Variants in DGKH observed in about 807,000 individuals in gnomAD.
DGKH encodes the protein diacylglycerol kinase eta.
In DGKH, 90 loss-of-function variants were observed where a neutral mutation model predicts 159.3. The ratio of observed to expected loss-of-function variants is 0.57; its 90% confidence interval spans 0.48 to 0.67. The LOEUF (loss-of-function observed/expected upper bound fraction) is 0.67, where lower values mean the gene tolerates loss of function less well. Ranked by LOEUF, DGKH falls within the 30% of genes least tolerant of loss-of-function variation. The pLI, the probability that DGKH is intolerant of heterozygous loss-of-function variation, is 0.00. For synonymous variants in DGKH, 536 were observed against 553.8 expected, an observed-to-expected ratio of 0.97 and a Z score of 0.45; for missense variants, 1,181 against 1,506.1, an observed-to-expected ratio of 0.78 and a Z score of 3.57.
At chr13:42,081,976 C>T (rs1408159439) in intron 1 of DGKH, among the ~76,000 whole-genome samples, 3 of 152,132 alleles carry the variant, frequency 2.0e-5, no homozygotes, top group African/African-American at 7.2e-5. Flanking sequence ...ACATAGGAAC[C>T]TTTGATTCCA....
intron 1 of DGKH, among the ~76,000 whole-genome samples, chr13:42,124,287 C>T (rs1228036912): frequency 7.5e-6 from 1 of 133,878 alleles, no homozygotes; most frequent in African/African-American, 3.0e-5. Flanking sequence ...TACTATAACA[C>T]TCTCAGCCTC....
At position 42,070,761 on chromosome 13, in the gene DGKH, C is replaced by T. The variant is rs1593983368; in HGVS notation, c.192+21796C>T. On this transcript the variant is annotated intron_variant, in intron 1 of 29. Coordinates refer to ENST00000337343, the MANE Select transcript of DGKH (RefSeq NM_178009.5). ...CCAGCACTTTAGACAAGTCTGTCTT[C>T]ATGTACTCCTGAACAATGTAAACAC... 7 of 1,581,674 alleles carry T rather than the reference C, an allele frequency of 4.4e-6. No homozygotes were observed. The East Asian group carries it at 1.6e-4, about 35-fold the overall frequency.
chr13:42,239,919 A>T lies in DGKH; in HGVS notation c.*10731A>T, dbSNP rs2138321308. The T allele has an allele frequency of 6.6e-6, 1 of 152,324 alleles. No individual in the cohort carries two copies. The highest frequency in any genetic ancestry group is 2.1e-4 in the South Asian group (1 of 4,822). 9.4% of individuals were successfully genotyped at this position (152,324 alleles called of 1,614,324 possible). ...TATGACTTAGTGCCTTGGCATAATC[A>T]CATGCCATAGATGAACATGTTCAAG... On this transcript the variant is annotated 3_prime_UTR_variant, in exon 30 of 30. Transcript: ENST00000337343.
intron 30 of DGKH, among the ~76,000 whole-genome samples, chr13:42,253,660 A>G (rs1437235153): frequency 6.6e-6 from 1 of 152,224 alleles, no homozygotes; most frequent in African/African-American, 2.4e-5. Flanking sequence ...GCTCCTGGGA[A>G]TAATAAAAAT....
chr13:42,071,512 A>T (rs1477695334), intron 1 of DGKH, among the ~76,000 whole-genome samples: 1 of 152,266 alleles, frequency 6.6e-6, no homozygotes, highest in Non-Finnish European at 1.5e-5. Flanking sequence ...CACAGTGCAG[A>T]TACATTCAGT....
rs746120069 is a variant in DGKH at position 42,048,956 on chromosome 13, C to G, written c.183C>G (p.Ile61Met). 4 of 1,302,234 alleles carry G rather than the reference C, an allele frequency of 3.1e-6. No individual in the cohort carries two copies. The highest frequency in any genetic ancestry group is 2.1e-4 in the Middle Eastern group (1 of 4,858). The allele number at this position is 1,302,234 out of a possible 1,614,324, so 80.7% of individuals were successfully genotyped here. Residue 61 changes from isoleucine (I) to methionine (M), a missense_variant, in exon 1 of 30, where the codon ATC (isoleucine) becomes ATG (methionine). Ile to Met is a conservative substitution (Grantham distance 10). Transcript: ENST00000337343. The surrounding 1 kb of genome is among the most constrained non-coding windows in gnomAD (Gnocchi z 6.7). ...GCAAAGTGTCTACCTCGGGGCAGAT[C>G]CGGACCAAGGTAGGGCGGAGGAGGC... ...LIRKVSTSGQ[I>M]RTKTSIKEGQ...
chr13:42,085,909 T>C (rs947110252), intron 1 of DGKH, among the ~76,000 whole-genome samples: 6 of 152,054 alleles, frequency 3.9e-5, no homozygotes, highest in African/African-American at 1.5e-4. Context: ...TGTATTTTTA[T>C]CTAACCTATT....
intron 29 of DGKH, among the ~76,000 whole-genome samples, chr13:42,228,589 C>T (rs1349295374): frequency 1.4e-5 from 2 of 146,980 alleles, no homozygotes; most frequent in African/African-American, 2.5e-5. Context: ...TCAGAGATCC[C>T]AAAAGAGCCT....
At chr13:42,096,477 A>G (rs1017334711) in intron 1 of DGKH, among the ~76,000 whole-genome samples, 5 of 152,124 alleles carry the variant, frequency 3.3e-5, no homozygotes, top group African/African-American at 1.2e-4. Flanking sequence ...CATTTTCTTT[A>G]TCTAATCCAC....
At chr13:42,181,014 C>T (rs764415321) in intron 13 of DGKH, among the ~76,000 whole-genome samples, 3 of 152,020 alleles carry the variant, frequency 2.0e-5, no homozygotes, top group Admixed American at 1.3e-4. Context: ...CGGTGGCTCA[C>T]GCTTGTAATC....
chr13:42,114,178 A>G (rs1410319416), intron 1 of DGKH, among the ~76,000 whole-genome samples: 1 of 152,104 alleles, frequency 6.6e-6, no homozygotes, highest in African/African-American at 2.4e-5. Context: ...AATTTGGGGG[A>G]AAAAAGTCCA....
intron 3 of DGKH, among the ~76,000 whole-genome samples, chr13:42,133,141 A>C (rs1434937915): frequency 4.0e-5 from 6 of 151,006 alleles, no homozygotes; most frequent in Non-Finnish European, 7.4e-5. Flanking sequence ...ACTGCACTCC[A>C]GCCTGGGTGA....
chr13:42,189,446 T>C (rs1957011651), intron 15 of DGKH, 137 bp downstream of exon 15: 1 of 1,186,908 alleles, frequency 8.4e-7, no homozygotes, highest in Non-Finnish European at 1.2e-6. Context: ...ATACAGTCAT[T>C]ATAAGAAAAC....
At chr13:42,063,807 C>T (rs1453854466) in intron 1 of DGKH, among the ~76,000 whole-genome samples, 3 of 151,926 alleles carry the variant, frequency 2.0e-5, no homozygotes, top group African/African-American at 7.3e-5. Context: ...GGCTTGTTGG[C>T]GCATGCATGT....
chr13:42,227,646 G>T (rs1420791067), intron 29 of DGKH, among the ~76,000 whole-genome samples: 1 of 152,170 alleles, frequency 6.6e-6, no homozygotes, highest in Non-Finnish European at 1.5e-5. Flanking sequence ...GACTAATTTT[G>T]GATGCCCTGT....
intron 1 of DGKH, among the ~76,000 whole-genome samples, chr13:42,087,522 A>G (rs1954330949): frequency 6.6e-6 from 1 of 152,184 alleles, no homozygotes; most frequent in South Asian, 2.1e-4. Context: ...TCAAACAACT[A>G]CTATTAGTAT....
chr13:42,058,472 TA>T (rs144481340), intron 1 of DGKH, among the ~76,000 whole-genome samples: 8,735 of 152,252 alleles, frequency 0.057, 770 homozygotes, highest in African/African-American at 0.19. Flanking sequence ...GGAGAAATGT[TA>T]AATTTGCTGG....
At chr13:42,196,116 C>T (rs1957198281) in intron 17 of DGKH, among the ~76,000 whole-genome samples, 1 of 152,184 alleles carries the variant, frequency 6.6e-6, no homozygotes, top group Non-Finnish European at 1.5e-5. Flanking sequence ...CTTTATGCCA[C>T]TAGGTTGACT....
chr13:42,231,373 A>G lies in DGKH; in HGVS notation c.*2185A>G, dbSNP rs1342479502. 6.6e-6 allele frequency: 1 copy of G among 152,120 alleles called. No homozygotes were observed. Among genetic ancestry groups the G allele is most frequent in the East Asian group, 1.9e-4 (1 of 5,200 alleles). 9.4% of individuals were successfully genotyped at this position (152,120 alleles called of 1,614,324 possible). On this transcript the variant is annotated 3_prime_UTR_variant, in exon 30 of 30. Transcript: ENST00000337343. ...TCCCATCTCAATCTCAAAAAAAAATAGTCATGAATTATGCAATTATTCTAA... is the reference window on the plus strand; with the variant it reads ...TCCCATCTCAATCTCAAAAAAAAATGGTCATGAATTATGCAATTATTCTAA...
Sources: gnomAD v4.1 joint callset for allele counts (sites outside exome capture counted in the v4.1 genomes callset) on GRCh38, gnomAD v4.1.1 for gene constraint, Gnocchi (gnomAD v3.1) non-coding constraint, MANE v1.5 for transcripts, NCBI Gene and HGNC (gene_info 2026-07-23, HGNC 2026-07-21) for gene names.